LDAH: variants seen among roughly 807,000 people sequenced by gnomAD.
LDAH encodes lipid droplet-associated hydrolase.
In LDAH, 26 loss-of-function variants were observed where a neutral mutation model predicts 29.6. The ratio of observed to expected loss-of-function variants is 0.88; its 90% CI spans 0.64 to 1.22. The LOEUF (loss-of-function observed/expected upper bound fraction) is 1.22. Among genes scored for constraint, LDAH ranks in the 50% most tolerant of loss-of-function variants. The probability of loss-of-function intolerance (pLI) is 0.00; values close to 1 mark genes in which losing one functional copy is unlikely to be tolerated. For missense variants in LDAH, 344 were observed against 387.3 expected (o/e 0.89, Z 0.94); for synonymous variants, 117 against 133.0 (o/e 0.88, Z 0.83).
intron 1 of LDAH, among the ~76,000 whole-genome samples, chr2:20,822,812 G>C (rs1268716738): frequency 6.6e-6 from 1 of 152,184 alleles, no homozygotes; most frequent in Non-Finnish European, 1.5e-5. Context: ...TACCGCGCTC[G>C]GGTGAGCGAC....
intron 5 of LDAH, among the ~76,000 whole-genome samples, chr2:20,726,394 C>T (rs964602978): frequency 5.3e-5 from 8 of 152,120 alleles, no homozygotes; most frequent in South Asian, 2.1e-4. Context: ...GGGTTGAGGA[C>T]GAGCTGCAAG....
At chr2:20,821,934 A>T (rs1484441711) in intron 1 of LDAH, among the ~76,000 whole-genome samples, 1 of 152,198 alleles carries the variant, frequency 6.6e-6, no homozygotes, top group Non-Finnish European at 1.5e-5. Flanking sequence ...CAGGTTTCTA[A>T]GTCTTTAACC....
Position 20,806,629 on chromosome 2 carries a change from T to C in LDAH, c.-2-5164A>G, listed in dbSNP as rs143330618. ...AATTAGAAAAGCCAGAAAACCTTTT[T>C]AAAAATGTTAAAAAAAATCCATAAC... On this transcript the variant is annotated intron_variant, in intron 1 of 6. Transcript: ENST00000237822. Among the ~76,000 whole-genome samples the C allele has an allele frequency of 5.0e-3, 760 of 151,976 alleles. 3 individuals carry two copies. Among genetic ancestry groups the C allele is most frequent in the African/African-American group, 0.018 (728 of 41,482 alleles).
intron 2 of LDAH, among the ~76,000 whole-genome samples, chr2:20,793,345 T>G (rs1450924166): frequency 6.6e-6 from 1 of 152,004 alleles, no homozygotes; most frequent in Non-Finnish European, 1.5e-5. Flanking sequence ...AAATAAGCCT[T>G]GTGAAAATTT....
chr2:20,807,269 T>C (rs574701891), intron 1 of LDAH, among the ~76,000 whole-genome samples: 36 of 152,196 alleles, frequency 2.4e-4, no homozygotes, highest in African/African-American at 8.4e-4. Flanking sequence ...GACAAAATTC[T>C]TGGTCCAGAT....
intron 4 of LDAH, among the ~76,000 whole-genome samples, chr2:20,754,149 A>G (rs1336651866): frequency 2.0e-5 from 3 of 152,060 alleles, no homozygotes; most frequent in Non-Finnish European, 4.4e-5. Flanking sequence ...TTGACATGAA[A>G]AAAAAGTGCC....
chr2:20,749,254 G>A (rs977040527), intron 4 of LDAH, among the ~76,000 whole-genome samples: 1 of 152,122 alleles, frequency 6.6e-6, no homozygotes, highest in African/African-American at 2.4e-5. Flanking sequence ...CTCTATAAGG[G>A]TCAAGGAACC....
intron 3 of LDAH, among the ~76,000 whole-genome samples, chr2:20,789,527 C>T (rs1431959617): frequency 1.3e-5 from 2 of 152,180 alleles, no homozygotes; most frequent in Non-Finnish European, 2.9e-5. Context: ...CTCTCCTAAC[C>T]CACACTGTGT....
At chr2:20,764,131 T>C (rs1256177696) in intron 4 of LDAH, among the ~76,000 whole-genome samples, 1 of 152,232 alleles carries the variant, frequency 6.6e-6, no homozygotes, top group Non-Finnish European at 1.5e-5. Context: ...AAACTGTCCA[T>C]GTGTCTAGTT....
intron 5 of LDAH, among the ~76,000 whole-genome samples, chr2:20,705,263 G>C (rs1466829980): frequency 6.6e-6 from 1 of 152,120 alleles, no homozygotes; most frequent in Admixed American, 6.6e-5. Flanking sequence ...TTAGTTTCTT[G>C]GAATGTGACT....
rs551789102 is a variant in LDAH, at chr2:20,710,615, T to C, written c.704-8963A>G. On this transcript the variant is annotated intron_variant, in intron 5 of 6. Coordinates refer to ENST00000237822, the MANE Select transcript of LDAH (RefSeq NM_021925.4). ...GTGTGTGTGTGTGTGTGTATATATATATATAGATATATATATATAGATATA... is the reference window on the plus strand; with the variant it reads ...GTGTGTGTGTGTGTGTGTATATATACATATAGATATATATATATAGATATA... 1.2e-3 allele frequency among the ~76,000 whole-genome samples: 155 copies of C among 131,558 alleles called. 4 individuals carry two copies. Among genetic ancestry groups the C allele is most frequent in the African/African-American group, 4.1e-3 (151 of 37,102 alleles). 86.3% of individuals were successfully genotyped at this position (131,558 alleles called of 152,430 possible). A position where few individuals can be genotyped will look rare whatever the true frequency, so the allele number is the denominator to read the frequency against.
At chr2:20,786,539 T>C (rs1670567560) in intron 3 of LDAH, among the ~76,000 whole-genome samples, 1 of 152,140 alleles carries the variant, frequency 6.6e-6, no homozygotes, top group African/African-American at 2.4e-5. Flanking sequence ...AAACTTCAGT[T>C]TCCTCTAATG....
chr2:20,694,611 A>G (rs1250121293), intron 6 of LDAH, among the ~76,000 whole-genome samples: 1 of 152,238 alleles, frequency 6.6e-6, no homozygotes, highest in South Asian at 2.1e-4. Context: ...TGAAATCTCC[A>G]AAGATTTTTA....
chr2:20,802,207 G>A (rs865807235), intron 1 of LDAH, among the ~76,000 whole-genome samples: 6 of 151,688 alleles, frequency 4.0e-5, no homozygotes, highest in Non-Finnish European at 7.4e-5. Context: ...CTACAGGCAC[G>A]TACCACCACG....
At chr2:20,775,968 G>A (rs1669795613) in intron 3 of LDAH, among the ~76,000 whole-genome samples, 1 of 152,138 alleles carries the variant, frequency 6.6e-6, no homozygotes, top group South Asian at 2.1e-4. Flanking sequence ...TGATCTCTGA[G>A]GATGCTGGCC....
chr2:20,792,373 T>C (rs935658946), intron 2 of LDAH, among the ~76,000 whole-genome samples: 11 of 152,154 alleles, frequency 7.2e-5, no homozygotes, highest in Non-Finnish European at 5.9e-5. Flanking sequence ...ATTACTTCCA[T>C]TTTATGGATG....
intron 4 of LDAH, among the ~76,000 whole-genome samples, chr2:20,753,990 G>T (rs957917868): frequency 2.0e-5 from 3 of 152,102 alleles, no homozygotes; most frequent in Non-Finnish European, 4.4e-5. Context: ...ACATAAGAAG[G>T]AAGGTTCTTG....
rs1669700978 is a variant in LDAH, at chr2:20,774,945, T to C, written c.333A>G (p.Gly111=). 3 of 1,601,728 alleles carry C rather than the reference T, an allele frequency of 1.9e-6. No individual in the cohort carries two copies. Among genetic ancestry groups the C allele is most frequent in the Non-Finnish European group, 2.6e-6 (3 of 1,170,962 alleles). ...GTTTGTGCTCTATTTGTCCATTTAGTCCATAAATGTCCTTAATTTCTTGAG... is the reference window on the plus strand; with the variant it reads ...GTTTGTGCTCTATTTGTCCATTTAGCCCATAAATGTCCTTAATTTCTTGAG... ...SNAQEIKDIY[G]LNGQIEHKLA... The change falls in exon 4 of 7, where the codon GGA becomes GGG. Residue 111 remains glycine, a synonymous_variant. Coordinates refer to ENST00000237822, the MANE Select transcript of LDAH (RefSeq NM_021925.4).
chr2:20,752,729 C>T (rs1668051757), intron 4 of LDAH, among the ~76,000 whole-genome samples: 1 of 152,174 alleles, frequency 6.6e-6, no homozygotes, highest in Non-Finnish European at 1.5e-5. Flanking sequence ...TTTTGGAGGC[C>T]AAATCAGTAT....
Sources: gnomAD v4.1 joint callset for allele counts (sites outside exome capture counted in the v4.1 genomes callset) on GRCh38, gnomAD v4.1.1 for gene constraint, MANE v1.5 for transcripts, NCBI Gene and HGNC (gene_info 2026-07-23, HGNC 2026-07-21) for gene names.